SMYD3: variants seen among roughly 807,000 people sequenced by gnomAD.
SMYD3 encodes SET and MYND domain containing 3, also known as histone-lysine N-methyltransferase SMYD3.
Under a neutral mutation model 57.7 loss-of-function variants are expected in SMYD3, and 36 were observed. The observed-to-expected ratio is 0.62, with a 90% CI of 0.48 to 0.82. The LOEUF (loss-of-function observed/expected upper bound fraction) is 0.82, where lower values mean the gene tolerates loss of function less well. SMYD3 is among the 40% of genes least tolerant of loss of function. The pLI is 0.00. For missense variants in SMYD3, 515 were observed against 538.8 expected (o/e 0.96, Z 0.44); for synonymous variants, 211 against 195.0 (o/e 1.08, Z -0.68).
At chr1:246,277,385 T>C (rs2064355655) in intron 5 of SMYD3, among the ~76,000 whole-genome samples, 2 of 152,208 alleles carry the variant, frequency 1.3e-5, no homozygotes, top group African/African-American at 4.8e-5. Context: ...GCGGAGCAAC[T>C]GCTGACTGGA....
intron 5 of SMYD3, among the ~76,000 whole-genome samples, chr1:246,286,469 G>A (rs758991793): frequency 2.0e-5 from 3 of 152,044 alleles, no homozygotes; most frequent in Non-Finnish European, 4.4e-5. Flanking sequence ...ATTTCCTCAA[G>A]TTTTCACTCA....
chr1:246,142,857 T>A (rs2061779893), intron 5 of SMYD3, among the ~76,000 whole-genome samples: 1 of 152,170 alleles, frequency 6.6e-6, no homozygotes, highest in Admixed American at 6.5e-5. Flanking sequence ...TCATGAAGCA[T>A]GTTTAGTGTG....
At chr1:246,250,656 T>A (rs768003753) in intron 5 of SMYD3, among the ~76,000 whole-genome samples, 1 of 152,222 alleles carries the variant, frequency 6.6e-6, no homozygotes, top group Non-Finnish European at 1.5e-5. Flanking sequence ...AAAGCTATAT[T>A]CATGTATTTA....
rs1006597137 is a variant in SMYD3, at chr1:246,202,669, T to C, written c.531+124532A>G. 6.6e-6 allele frequency among the ~76,000 whole-genome samples: 1 copy of C among 152,368 alleles called. No individual in the cohort carries two copies. The highest frequency in any genetic ancestry group is 3.4e-3 in the Middle Eastern group (1 of 294). ...ACAGTTCTTGACAACAAGGACTTCC[T>C]GGTATCACGCTAGCTAACAAAATAT... On this transcript the variant is annotated intron_variant, in intron 5 of 11. Coordinates refer to ENST00000490107, the MANE Select transcript of SMYD3 (RefSeq NM_001167740.2). This position sits in a 1 kb window ranked among gnomAD's most constrained non-coding sequence, Gnocchi z 4.1.
chr1:246,067,465 G>A (rs1423563599), intron 5 of SMYD3, among the ~76,000 whole-genome samples: 1 of 152,170 alleles, frequency 6.6e-6, no homozygotes, highest in African/African-American at 2.4e-5. Flanking sequence ...TGCGGGACAA[G>A]GTATGAGTTG....
At chr1:245,978,287 C>T (rs2058501719) in intron 5 of SMYD3, among the ~76,000 whole-genome samples, 1 of 152,208 alleles carries the variant, frequency 6.6e-6, no homozygotes, top group Non-Finnish European at 1.5e-5. Flanking sequence ...TATCCATCTT[C>T]GTGCCTCTCA....
intron 8 of SMYD3, among the ~76,000 whole-genome samples, chr1:245,899,102 A>G (rs1316019595): frequency 6.6e-6 from 1 of 152,264 alleles, no homozygotes; most frequent in Non-Finnish European, 1.5e-5. Context: ...TGCTTGATGC[A>G]GAAAACTGGT....
intron 5 of SMYD3, among the ~76,000 whole-genome samples, chr1:246,147,126 T>C (rs1299847113): frequency 2.0e-5 from 3 of 152,314 alleles, no homozygotes; most frequent in African/African-American, 4.8e-5. Context: ...ATATGTTCGC[T>C]GGTCAGGTTA....
intron 3 of SMYD3, among the ~76,000 whole-genome samples, chr1:246,332,149 A>C: frequency 6.6e-6 from 1 of 152,254 alleles, no homozygotes; most frequent in Admixed American, 6.5e-5. Flanking sequence ...GAGTAAGCTT[A>C]GTGAGAAAGA....
At chr1:246,059,592 G>A (rs1008770302) in intron 5 of SMYD3, among the ~76,000 whole-genome samples, 1 of 152,076 alleles carries the variant, frequency 6.6e-6, no homozygotes, top group Non-Finnish European at 1.5e-5. Context: ...TATCTCAGAC[G>A]TTATCTTAGA....
intron 1 of SMYD3, among the ~76,000 whole-genome samples, chr1:246,387,351 T>C (rs1296357549): frequency 6.6e-6 from 1 of 152,156 alleles, no homozygotes; most frequent in Non-Finnish European, 1.5e-5. Context: ...TTTTAAGGAG[T>C]AAATAAAATA....
At chr1:246,225,321 C>CAAAAAAAAAAAAAAAAAAAAAAAAAAAAA (rs60915002) in intron 5 of SMYD3, among the ~76,000 whole-genome samples, 2 of 76,306 alleles carry the variant, frequency 2.6e-5, no homozygotes, top group Admixed American at 1.4e-4. Flanking sequence ...GCTGAAAAGT[C>CAAAAAAAAAAAAAAAAAAAAAAAAAAAAA]AAAAAAAAAA....
chr1:246,339,374 T>C (rs573695056), intron 2 of SMYD3, among the ~76,000 whole-genome samples: 1 of 152,348 alleles, frequency 6.6e-6, no homozygotes, highest in East Asian at 1.9e-4. Flanking sequence ...TTTTTCCTTA[T>C]ATTCCAATTA....
rs36111391 is a variant in SMYD3, at chr1:245,833,073, A to AACAACAAAAAAAAAAAAAACACAAC, written c.1076+25422_1076+25423insGTTGTGTTTTTTTTTTTTTTGTTGT. ...GGAATATGTGACAAAAAAAAAAAAAAAACCTGCTTTTATAATGCTGATTCA... is the reference window on the plus strand; with the variant it reads ...GGAATATGTGACAAAAAAAAAAAAAAACAACAAAAAAAAAAAAAACACAACAACCTGCTTTTATAATGCTGATTCA... On this transcript the variant is annotated intron_variant, in intron 10 of 11. Coordinates refer to ENST00000490107, the MANE Select transcript of SMYD3 (RefSeq NM_001167740.2). 6.5e-3 allele frequency among the ~76,000 whole-genome samples: 830 copies of AACAACAAAAAAAAAAAAAACACAAC among 128,632 alleles called. 35 individuals are homozygous for AACAACAAAAAAAAAAAAAACACAAC. Among genetic ancestry groups the AACAACAAAAAAAAAAAAAACACAAC allele is most frequent in the Non-Finnish European group, 0.011 (686 of 63,212 alleles). 84.4% of individuals were successfully genotyped at this position (128,632 alleles called of 152,430 possible). A position where few individuals can be genotyped will look rare whatever the true frequency, so the allele number is the denominator to read the frequency against.
At chr1:245,788,213 C>T (rs1014786908) in intron 10 of SMYD3, among the ~76,000 whole-genome samples, 2 of 151,200 alleles carry the variant, frequency 1.3e-5, no homozygotes, top group African/African-American at 4.9e-5. Context: ...CAGATTAACA[C>T]AGGGAACAGG....
intron 5 of SMYD3, among the ~76,000 whole-genome samples, chr1:246,228,145 T>C (rs1213781042): frequency 6.6e-6 from 1 of 151,978 alleles, no homozygotes; most frequent in Non-Finnish European, 1.5e-5. Flanking sequence ...AATTTTTGTA[T>C]TTTTAGTAGA....
chr1:245,911,160 C>A, intron 8 of SMYD3, among the ~76,000 whole-genome samples: 1 of 152,018 alleles, frequency 6.6e-6, no homozygotes, highest in East Asian at 1.9e-4. Context: ...ATTAAAACCA[C>A]AATGAGCTAT....
intron 8 of SMYD3, among the ~76,000 whole-genome samples, chr1:245,870,381 C>G (rs1296911357): frequency 1.3e-5 from 2 of 152,158 alleles, no homozygotes; most frequent in Admixed American, 1.3e-4. Flanking sequence ...GGCTCCGGAC[C>G]CACGCTTTCT....
At chr1:245,803,913 A>ATTTT (rs34038938) in intron 10 of SMYD3, among the ~76,000 whole-genome samples, 1 of 73,342 alleles carries the variant, frequency 1.4e-5, no homozygotes, top group Non-Finnish European at 3.6e-5. Context: ...GTAAGTCAGT[A>ATTTT]TTTTTTTTTT....
Sources: allele counts gnomAD v4.1 joint callset (sites outside exome capture counted in the v4.1 genomes callset), GRCh38; gene constraint gnomAD v4.1.1; non-coding constraint Gnocchi (gnomAD v3.1); transcripts MANE v1.5; gene names NCBI Gene and HGNC (gene_info 2026-07-23, HGNC 2026-07-21).